Variants in UGT1A5 observed in about 807,000 individuals in gnomAD.
UGT1A5 encodes UDP-glucuronosyltransferase 1A5.
Under a neutral mutation model 40.3 loss-of-function variants are expected in UGT1A5, and 29 were observed. That is an observed-to-expected ratio of 0.72 (90% CI 0.54 to 0.98). UGT1A5 has a LOEUF of 0.98. UGT1A5 is among the 50% of genes least tolerant of loss of function. The pLI, the probability that UGT1A5 is intolerant of heterozygous loss-of-function variation, is 0.00. For synonymous variants in UGT1A5, 257 were observed against 262.5 expected, an observed-to-expected ratio of 0.98 and a Z score of 0.20; for missense variants, 678 against 677.9, an observed-to-expected ratio of 1.00 and a Z score of 0.00.
chr2:233,772,614 C>A lies in UGT1A5; in HGVS notation c.*55C>A, dbSNP rs1700539224. On this transcript the variant is annotated 3_prime_UTR_variant, in exon 5 of 5. Transcript: ENST00000373414. ...GAACCATTCCCTAGTCATTTCCAAA[C>A]TTGAAAACAGAATCAGTGTTAAATT... The A allele has an allele frequency of 3.2e-6, 5 of 1,575,710 alleles. No homozygotes were observed. The highest frequency in any genetic ancestry group is 4.3e-6 in the Non-Finnish European group (5 of 1,159,842).
chr2:233,717,321 G>T (rs563311292), intron 1 of UGT1A5, among the ~76,000 whole-genome samples: 1 of 152,328 alleles, frequency 6.6e-6, no homozygotes, highest in African/African-American at 2.4e-5. Flanking sequence ...AGCACTCTGT[G>T]TCCTCACAAA....
In UGT1A5 at chr2:233,713,305, A is replaced by T; in HGVS notation, c.314A>T (p.His105Leu). Residue 105 changes from histidine to leucine, a missense_variant, in exon 1 of 5, where the codon CAT becomes CTT. Physicochemically the swap from His to Leu is moderately conservative, Grantham distance 99 (BLOSUM62 -3). Coordinates refer to ENST00000373414, the MANE Select transcript of UGT1A5 (RefSeq NM_019078.2). ...ACTCAATCGTTCTTTGAAACAGAAC[A>T]TCTTCTGATGAAATTTTCTAGAAGA... ...GHTQSFFETE[H>L]LLMKFSRRMA... is the part of the protein sequence containing the mutation. 3.1e-6 allele frequency: 5 copies of T among 1,614,274 alleles called. No individual in the cohort carries two copies. The highest frequency in any genetic ancestry group is 4.2e-6 in the Non-Finnish European group (5 of 1,180,048).
rs369417360 is a variant in UGT1A5, at chr2:233,713,137, G to A, written c.146G>A (p.Arg49Gln). The A allele has an allele frequency of 3.5e-5, 57 of 1,614,192 alleles. No homozygotes were observed. The South Asian group carries it at 5.3e-4, about 15-fold the overall frequency. ...TGGCTCAGCATGCGGGAGGCCTTGC[G>A]GGACCTCCATGCGAGAGGCCACCAG... ...SHWLSMREAL[R>Q]DLHARGHQVV... Residue 49 changes from arginine (R) to glutamine (Q), a missense_variant, in exon 1 of 5, where the codon CGG becomes CAG. Physicochemically the swap from Arg to Gln is conservative, Grantham distance 43 (BLOSUM62 1). Transcript: ENST00000373414.
At chr2:233,729,740 T>G (rs1312965874) in intron 1 of UGT1A5, 8 of 1,613,982 alleles carry the variant, frequency 5.0e-6, no homozygotes, top group Non-Finnish European at 6.8e-6. Flanking sequence ...TCAGACCACA[T>G]GACATTCATG....
At chr2:233,739,481 A>C (rs1429465625) in intron 1 of UGT1A5, among the ~76,000 whole-genome samples, 1 of 152,208 alleles carries the variant, frequency 6.6e-6, no homozygotes, top group Non-Finnish European at 1.5e-5. Flanking sequence ...GTGGGAGCCC[A>C]TTTCTGGCAT....
At position 233,769,327 on chromosome 2, in the gene UGT1A5, G is replaced by C. The variant is rs1477763656; in HGVS notation, c.1307+888G>C. The stretch of plus-strand genomic sequence containing the variant: ...TTACTGTCAAGCTCACTGGTAATAG[G>C]CTTATTAGAACCTTATGGGAAGAAG... On this transcript the variant is annotated intron_variant, in intron 4 of 4. Transcript: ENST00000373414. The surrounding 1 kb of genome is among the most constrained non-coding windows in gnomAD (Gnocchi z 4.4). 6.6e-6 allele frequency among the ~76,000 whole-genome samples: 1 copy of C among 152,234 alleles called. No homozygotes were observed. The highest frequency in any genetic ancestry group is 1.5e-5 in the Non-Finnish European group (1 of 68,042).
chr2:233,715,559 C>T (rs1347075985), intron 1 of UGT1A5, among the ~76,000 whole-genome samples: 1 of 152,016 alleles, frequency 6.6e-6, no homozygotes, highest in South Asian at 2.1e-4. Context: ...ATTGCTTGAG[C>T]CCAGGAGTCT....
At chr2:233,768,984 TC>T (rs551747473) in intron 4 of UGT1A5, among the ~76,000 whole-genome samples, 141 of 152,252 alleles carry the variant, frequency 9.3e-4, no homozygotes, top group African/African-American at 3.3e-3. Context: ...GAATTTTATT[TC>T]CCCCATTAGA....
chr2:233,724,260 C>T (rs1481062069), intron 1 of UGT1A5, among the ~76,000 whole-genome samples: 12 of 129,940 alleles, frequency 9.2e-5, no homozygotes, highest in East Asian at 4.9e-4. Context: ...CCTCACCTCC[C>T]GGACGGGGCG....
In UGT1A5 at chr2:233,760,531, C is replaced by T. The variant is rs1397137648; in HGVS notation, c.868-6503C>T. 4 of 1,614,130 alleles carry T rather than the reference C, an allele frequency of 2.5e-6. No homozygotes were observed. Among genetic ancestry groups the T allele is most frequent in the Non-Finnish European group, 3.4e-6 (4 of 1,180,056 alleles). ...TTACACCTTGAAGACGTACCCTGTG[C>T]CATTCCAAAGGGAGGATGTGAAAGA... is the stretch of plus-strand genomic sequence containing the variant. On this transcript the variant is annotated intron_variant, in intron 1 of 4. Coordinates refer to ENST00000373414, the MANE Select transcript of UGT1A5 (RefSeq NM_019078.2).
At chr2:233,729,604 G>C in intron 1 of UGT1A5, 2 of 1,613,996 alleles carry the variant, frequency 1.2e-6, no homozygotes, top group Non-Finnish European at 1.7e-6. Context: ...CTGCGCGGCA[G>C]TGCTGGCTAA....
Position 233,713,568 on chromosome 2 carries a change from T to C in UGT1A5, c.577T>C (p.Tyr193His). 1 of 1,613,984 alleles carries C rather than the reference T, an allele frequency of 6.2e-7. No homozygotes were observed. The highest frequency in any genetic ancestry group is 1.1e-5 in the South Asian group (1 of 91,072). ...KGTQCPNPSSYIPRLLTTNSD... is the reference protein window; with the variant it reads ...KGTQCPNPSSHIPRLLTTNSD... ...CACACAGTGTCCAAACCCTTCCTCC[T>C]ATATTCCTAGATTACTAACGACCAA... is the stretch of plus-strand genomic sequence containing the variant. Residue 193 changes from tyrosine (Y) to histidine (H), a missense_variant, in exon 1 of 5, where the codon TAT becomes CAT. Coordinates refer to ENST00000373414, the MANE Select transcript of UGT1A5 (RefSeq NM_019078.2).
At chr2:233,731,530 C>T (rs149780205) in intron 1 of UGT1A5, among the ~76,000 whole-genome samples, 2,259 of 152,174 alleles carry the variant, frequency 0.015, 22 homozygotes, top group Non-Finnish European at 0.022. Flanking sequence ...TGAGAACATG[C>T]GGTGTTTGGT....
At chr2:233,722,528 A>G (rs2077020073) in intron 1 of UGT1A5, among the ~76,000 whole-genome samples, 1 of 152,150 alleles carries the variant, frequency 6.6e-6, no homozygotes, top group African/African-American at 2.4e-5. Context: ...TTTTGCCTTA[A>G]TGATTTCATC....
Position 233,769,718 on chromosome 2 carries a change from C to A in UGT1A5, c.1307+1279C>A. On this transcript the variant is annotated intron_variant, in intron 4 of 4. Coordinates refer to ENST00000373414, the MANE Select transcript of UGT1A5 (RefSeq NM_019078.2). The surrounding 1 kb of genome is among the most constrained non-coding windows in gnomAD (Gnocchi z 4.4). Reference sequence around the variant, plus strand: ...TAAAAGATCAATGTTGGCTAGGCACCATGGCACACGCCTGTAGTCCCAGCC... The same window carrying A: ...TAAAAGATCAATGTTGGCTAGGCACAATGGCACACGCCTGTAGTCCCAGCC... 6.7e-7 allele frequency: 1 copy of A among 1,492,462 alleles called. No individual in the cohort carries two copies. Among genetic ancestry groups the A allele is most frequent in the Non-Finnish European group, 8.9e-7 (1 of 1,119,524 alleles). The allele number at this position is 1,492,462 out of a possible 1,614,324, so 92.5% of individuals were successfully genotyped here.
chr2:233,735,799 G>A (rs61296714), intron 1 of UGT1A5, among the ~76,000 whole-genome samples: 5,119 of 152,182 alleles, frequency 0.034, 99 homozygotes, highest in African/African-American at 0.051. Context: ...GAATTTCTGG[G>A]TTGAAAATTC....
At position 233,768,743 on chromosome 2, in the gene UGT1A5, C is replaced by T. The variant is rs540797215; in HGVS notation, c.1307+304C>T. Among the ~76,000 whole-genome samples the T allele has an allele frequency of 5.3e-5, 8 of 151,788 alleles. No homozygotes were observed. In the South Asian group the frequency reaches 1.3e-3, roughly 24 times the overall value. On this transcript the variant is annotated intron_variant, in intron 4 of 4. Coordinates refer to ENST00000373414, the MANE Select transcript of UGT1A5 (RefSeq NM_019078.2). ...GATTACAGGTGTCCACCACCACGCC[C>T]GGTTAATTTTTGTATTTTTTAGTAG...
At chr2:233,726,450 A>G (rs538330915) in intron 1 of UGT1A5, among the ~76,000 whole-genome samples, 2 of 152,312 alleles carry the variant, frequency 1.3e-5, no homozygotes, top group South Asian at 4.1e-4. Context: ...TTTCCACTGA[A>G]TGTAAGCTCA....
intron 1 of UGT1A5, among the ~76,000 whole-genome samples, chr2:233,759,294 C>T (rs1363540933): frequency 6.6e-6 from 1 of 152,134 alleles, no homozygotes; most frequent in Admixed American, 6.5e-5. Flanking sequence ...TGAAGCTGAG[C>T]CCTGAGTGGC....
Sources: gnomAD v4.1 joint callset for allele counts (sites outside exome capture counted in the v4.1 genomes callset) on GRCh38, gnomAD v4.1.1 for gene constraint, Gnocchi (gnomAD v3.1) non-coding constraint, MANE v1.5 for transcripts, NCBI Gene and HGNC (gene_info 2026-07-23, HGNC 2026-07-21) for gene names.